The following CREBBP variants were observed in gnomAD, a reference collection of about 807,000 sequenced individuals.
The protein encoded by CREBBP is CREB binding lysine acetyltransferase, also known as CREB-binding protein.
Under a neutral mutation model 265.0 loss-of-function variants are expected in CREBBP, and 19 were observed. The ratio of observed to expected loss-of-function variants is 0.07; its 90% CI spans 0.05 to 0.11. The LOEUF (loss-of-function observed/expected upper bound fraction) is 0.11. Among genes scored for constraint, CREBBP ranks in the 10% least tolerant of loss-of-function variants. CREBBP has a pLI of 1.00. For synonymous variants in CREBBP, 1,457 were observed against 1,223.7 expected (o/e 1.19, Z -3.98); for missense variants, 2,525 against 3,219.0 (o/e 0.78, Z 5.22).
At chr16:3,863,815 A>G (rs1212062027) in intron 1 of CREBBP, among the ~76,000 whole-genome samples, 1 of 152,150 alleles carries the variant, frequency 6.6e-6, no homozygotes, top group East Asian at 1.9e-4. Context: ...GGGTGGGGAC[A>G]AGGGTGGAAT....
chr16:3,766,891 C>T (rs1385965610), intron 16 of CREBBP, among the ~76,000 whole-genome samples: 1 of 152,184 alleles, frequency 6.6e-6, no homozygotes, highest in Admixed American at 6.5e-5. Flanking sequence ...CTCTCTGGGG[C>T]CCTCAATTTC....
intron 26 of CREBBP, 134 bp from the exon 27 acceptor site, chr16:3,736,949 G>A (rs1252916378): frequency 2.6e-6 from 3 of 1,133,722 alleles, no homozygotes; most frequent in Non-Finnish European, 3.9e-6. Context: ...TGCCCACAAA[G>A]CTGGGTGTGG....
At chr16:3,870,136 T>A (rs982451690) in intron 1 of CREBBP, among the ~76,000 whole-genome samples, 1 of 152,084 alleles carries the variant, frequency 6.6e-6, no homozygotes, top group Non-Finnish European at 1.5e-5. Flanking sequence ...GGGGTAACTT[T>A]TACTTATAAA....
chr16:3,781,073 A>AAAC (rs2053263096), intron 7 of CREBBP, 131 bp downstream of exon 7: 2 of 1,048,020 alleles, frequency 1.9e-6, no homozygotes, highest in African/African-American at 3.2e-5. Flanking sequence ...AAAAAAAGGA[A>AAAC]AACAGCATTC....
intron 1 of CREBBP, among the ~76,000 whole-genome samples, chr16:3,867,894 C>G (rs2055210313): frequency 1.3e-5 from 2 of 151,944 alleles, no homozygotes; most frequent in African/African-American, 2.4e-5. Flanking sequence ...TAAATGCACA[C>G]CAGCCTGGCG....
At chr16:3,864,992 G>C (rs2055148287) in intron 1 of CREBBP, among the ~76,000 whole-genome samples, 1 of 152,202 alleles carries the variant, frequency 6.6e-6, no homozygotes, top group African/African-American at 2.4e-5. Flanking sequence ...CTGAGAGGTG[G>C]AGGCTGCAGT....
intron 2 of CREBBP, among the ~76,000 whole-genome samples, chr16:3,811,652 C>T (rs1013458793): frequency 1.3e-4 from 19 of 151,972 alleles, no homozygotes; most frequent in African/African-American, 3.1e-4. Context: ...CCACCAGGTC[C>T]GGCTAATTTT....
Position 3,726,243 on chromosome 16 carries a change from G to GA in CREBBP, c.*1474_*1475insT, listed in dbSNP as rs149315725. ...TCAGATTCTGGGAGTCGTGTACGGG[G>GA]GGGGGGAGCCGCCTGAACACGGGAA... On this transcript the variant is annotated 3_prime_UTR_variant, in exon 31 of 31. Transcript: ENST00000262367. The GA allele has an allele frequency of 2.0e-4, 47 of 232,672 alleles. No homozygotes were observed. The Admixed American group carries it at 2.6e-3, about 13-fold the overall frequency. The allele number at this position is 232,672 out of a possible 1,614,324, so 14.4% of individuals were successfully genotyped here. A position where few individuals can be genotyped will look rare whatever the true frequency, so the allele number is the denominator to read the frequency against.
In CREBBP at chr16:3,769,318, G is replaced by T. The variant is rs2052941458; in HGVS notation, c.2916C>A (p.Val972=). Residue 972 remains valine (V), a synonymous_variant, in exon 15 of 31, where the codon GTC becomes GTA. Coordinates refer to ENST00000262367, the MANE Select transcript of CREBBP (RefSeq NM_004380.3). ...CGCTGGCCACCGAGGAGGGGGTAGG[G>T]ACTCTGTTATCAATGCTGGCTGCTG... The part of the protein sequence containing the change: ...SQAAASIDNR[V]PTPSSVASAE... 6.2e-7 allele frequency: 1 copy of T among 1,614,050 alleles called. No individual in the cohort carries two copies. Among genetic ancestry groups the T allele is most frequent in the Non-Finnish European group, 8.5e-7 (1 of 1,180,044 alleles).
Position 3,782,922 on chromosome 16 carries a change from G to A in CREBBP, c.1335C>T (p.Ile445=), listed in dbSNP as rs1286366288. The A allele has an allele frequency of 6.2e-7, 1 of 1,614,018 alleles. No homozygotes were observed. Among genetic ancestry groups the A allele is most frequent in the East Asian group, 2.2e-5 (1 of 44,896 alleles). The change falls in exon 6 of 31, where the codon ATC becomes ATT. Residue 445 remains isoleucine, a synonymous_variant. Transcript: ENST00000262367. Reference sequence around the variant, plus strand: ...GAATTCCACTAGCTGGAGACCCCAGGATGGCTATAACGACAAACAGACAGA... The same window carrying A: ...GAATTCCACTAGCTGGAGACCCCAGAATGGCTATAACGACAAACAGACAGA... ...NASDKRNQQT[I]LGSPASGIQN...
At chr16:3,746,989 T>C (rs1469468007) in intron 21 of CREBBP, among the ~76,000 whole-genome samples, 2 of 152,018 alleles carry the variant, frequency 1.3e-5, no homozygotes, top group African/African-American at 2.4e-5. Context: ...CACTGCATAT[T>C]CTAGACCCCA....
chr16:3,847,688 G>C (rs980277696), intron 2 of CREBBP, among the ~76,000 whole-genome samples: 4 of 152,232 alleles, frequency 2.6e-5, no homozygotes, highest in Admixed American at 2.0e-4. Flanking sequence ...GGACAGAGAA[G>C]CATGAAGTGT....
intron 25 of CREBBP, 122 bp from the exon 26 acceptor site, chr16:3,738,794 G>T: frequency 2.8e-6 from 2 of 725,832 alleles, no homozygotes; most frequent in South Asian, 3.0e-5. Flanking sequence ...CATTCAGGCT[G>T]CAATGCGGTG....
chr16:3,865,914 C>T (rs955743234), intron 1 of CREBBP, among the ~76,000 whole-genome samples: 26 of 152,212 alleles, frequency 1.7e-4, no homozygotes, highest in African/African-American at 5.8e-4. Context: ...GGATTACAGG[C>T]GTGAGCCCAC....
rs375938207 is a variant in CREBBP, at chr16:3,769,198, T to A, written c.3036A>T (p.Glu1012Asp). The change falls in exon 15 of 31, where the codon GAA becomes GAT. Residue 1012 changes from glutamate (E) to aspartate (D), a missense_variant. Glu to Asp is a conservative substitution (Grantham distance 45). Coordinates refer to ENST00000262367, the MANE Select transcript of CREBBP (RefSeq NM_004380.3). ...QAEDTEPDPG[E>D]SKGEPRSEMM... ...CCTCAGACCTGGGCTCCCCTTTGGA[T>A]TCACCAGGATCGGGCTCAGTGTCCT... The A allele has an allele frequency of 3.7e-6, 6 of 1,613,994 alleles. No individual in the cohort carries two copies. The African/African-American group carries it at 6.7e-5, about 18-fold the overall frequency.
At chr16:3,858,848 C>T (rs2141534603) in intron 1 of CREBBP, among the ~76,000 whole-genome samples, 1 of 152,338 alleles carries the variant, frequency 6.6e-6, no homozygotes, top group Non-Finnish European at 1.5e-5. Context: ...CATCAATGAA[C>T]CCCAACCCTA....
At chr16:3,799,548 A>G (rs2053672429) in intron 3 of CREBBP, among the ~76,000 whole-genome samples, 1 of 152,230 alleles carries the variant, frequency 6.6e-6, no homozygotes. Flanking sequence ...CAGTAACTCC[A>G]CTTCTCATGA....
At chr16:3,853,452 T>C (rs1233696104) in intron 1 of CREBBP, among the ~76,000 whole-genome samples, 1 of 149,378 alleles carries the variant, frequency 6.7e-6, no homozygotes, top group Non-Finnish European at 1.5e-5. Context: ...CTACTAAAAA[T>C]ATAAAAAATC....
intron 2 of CREBBP, among the ~76,000 whole-genome samples, chr16:3,816,434 G>A (rs1164658998): frequency 6.6e-6 from 1 of 152,166 alleles, no homozygotes; most frequent in Non-Finnish European, 1.5e-5. Flanking sequence ...GCCTTAACAT[G>A]ACTGCAGTGT....
Sources: allele counts gnomAD v4.1 joint callset (sites outside exome capture counted in the v4.1 genomes callset), GRCh38; gene constraint gnomAD v4.1.1; transcripts MANE v1.5; gene names NCBI Gene and HGNC (gene_info 2026-07-23, HGNC 2026-07-21).